Variants in HSPG2 observed in about 807,000 individuals in gnomAD.
HSPG2 encodes heparan sulfate proteoglycan 2.
A neutral mutation model predicts 526.6 loss-of-function variants in HSPG2; 278 were observed. That is an observed-to-expected ratio of 0.53 (90% CI 0.48 to 0.58). HSPG2 has a LOEUF of 0.58. Among genes scored for constraint, HSPG2 ranks in the 20% least tolerant of loss-of-function variants. The pLI is 0.00. For missense variants in HSPG2, 5,354 were observed against 6,099.5 expected (o/e 0.88, Z 4.07); for synonymous variants, 2,465 against 2,555.4 (o/e 0.96, Z 1.07).
chr1:21,827,980 T>C (rs2097984138), intron 90 of HSPG2, 50 bp downstream of exon 90: 1 of 1,612,186 alleles, frequency 6.2e-7, no homozygotes, highest in African/African-American at 1.3e-5. Flanking sequence ...TATGTCGAGC[T>C]CCGGGGCCCC....
intron 44 of HSPG2, 122 bp from the exon 45 acceptor site, chr1:21,856,034 G>A (rs1408439210): frequency 7.6e-7 from 1 of 1,309,358 alleles, no homozygotes; most frequent in African/African-American, 1.4e-5. Flanking sequence ...TGTGCACACA[G>A]GAGCCAGAGG....
At chr1:21,825,072 A>G (rs1451626870) in intron 91 of HSPG2, 3 of 474,090 alleles carry the variant, frequency 6.3e-6, no homozygotes, top group Admixed American at 6.7e-5. Flanking sequence ...TGTTACTAGT[A>G]TTTGCTTATC....
At chr1:21,884,985 A>T in intron 11 of HSPG2, 28 bp downstream of exon 11, 1 of 1,613,332 alleles carries the variant, frequency 6.2e-7, no homozygotes, top group Non-Finnish European at 8.5e-7. Flanking sequence ...CCTCATTCCC[A>T]CCCCACCACC....
Position 21,824,771 on chromosome 1 carries a change from CAGG to C in HSPG2, c.12595_12597del (p.Pro4199del). The C allele has an allele frequency of 6.2e-7, 1 of 1,612,464 alleles. No homozygotes were observed. The highest frequency in any genetic ancestry group is 8.5e-7 in the Non-Finnish European group (1 of 1,179,426). ...TCGTGGAAATAGGCTCCGTACTGCCCAGGGGCATCTGTGGGAGAGAGGAGGGTG... is the reference window on the plus strand; with the variant it reads ...TCGTGGAAATAGGCTCCGTACTGCCCGGCATCTGTGGGAGAGAGGAGGGTG... On this transcript the variant is annotated inframe_deletion, in exon 92 of 97. Transcript: ENST00000374695. The surrounding 1 kb of genome is among the most constrained non-coding windows in gnomAD (Gnocchi z 5.9).
In HSPG2 at chr1:21,836,999, G is replaced by C; in HGVS notation, c.10158C>G (p.Pro3386=). 1.9e-6 allele frequency: 3 copies of C among 1,550,078 alleles called. No individual in the cohort carries two copies. Among genetic ancestry groups the C allele is most frequent in the Middle Eastern group, 1.7e-4 (1 of 5,984 alleles). ...GGATGGAGGTGGCAGGGAGAGAGCC[G>C]GGAGGGCCTGCGGGGACATGTATGA... is the stretch of plus-strand genomic sequence containing the variant. The part of the protein sequence containing the change: ...AFAQLLVQGP[P]GSLPATSIPA... Residue 3386 remains proline, a synonymous_variant, in exon 75 of 97, where the codon CCC becomes CCG. Transcript: ENST00000374695.
rs1305639741 is a variant in HSPG2, at chr1:21,890,704, C to T, written c.245-10G>A. 1.0e-5 allele frequency: 16 copies of T among 1,599,284 alleles called. No individual in the cohort carries two copies. The highest frequency in any genetic ancestry group is 1.3e-5 in the African/African-American group (1 of 74,636). On this transcript the variant is annotated splice_polypyrimidine_tract_variant and intron_variant, in intron 3 of 96. Transcript: ENST00000374695. The surrounding 1 kb of genome is among the most constrained non-coding windows in gnomAD (Gnocchi z 4.1). Reference sequence around the variant, plus strand: ...AGGGCTCGGAAATAAACTGGAAAATCGAAGGAGGATCATTTTGAGAGCCCC... The same window carrying T: ...AGGGCTCGGAAATAAACTGGAAAATTGAAGGAGGATCATTTTGAGAGCCCC...
chr1:21,856,949 G>T, intron 44 of HSPG2, 66 bp downstream of exon 44: 1 of 1,489,826 alleles, frequency 6.7e-7, no homozygotes, highest in Non-Finnish European at 9.4e-7. Context: ...AAGAAATGCT[G>T]TGCTAATTCT....
rs2098041145 is a variant in HSPG2 at position 21,839,732 on chromosome 1, A to G, written c.9709+90T>C. 7.4e-6 allele frequency: 11 copies of G among 1,478,262 alleles called. No individual in the cohort carries two copies. The South Asian group carries it at 1.3e-4, about 17-fold the overall frequency. 91.6% of individuals were successfully genotyped at this position (1,478,262 alleles called of 1,614,324 possible). ...CTCCCCGTACTCCCCACCCCTGGGC[A>G]TGACATCATCTCTAGATCACATGTG... On this transcript the variant is annotated intron_variant, in intron 72 of 96. Transcript: ENST00000374695. The surrounding 1 kb of genome is among the most constrained non-coding windows in gnomAD (Gnocchi z 4.5).
intron 1 of HSPG2, among the ~76,000 whole-genome samples, chr1:21,905,597 C>G (rs754650357): frequency 6.6e-6 from 1 of 152,172 alleles, no homozygotes; most frequent in African/African-American, 2.4e-5. Context: ...CAAAACTTAG[C>G]CTGGTGTGGT....
intron 63 of HSPG2, 92 bp from the exon 64 acceptor site, chr1:21,846,347 G>T (rs1427457552): frequency 1.9e-6 from 3 of 1,602,736 alleles, no homozygotes; most frequent in African/African-American, 1.3e-5. Flanking sequence ...GACACAGGGG[G>T]GTACTGCACC....
At chr1:21,870,394 C>T (rs1165170051) in intron 33 of HSPG2, 8 of 586,314 alleles carry the variant, frequency 1.4e-5, no homozygotes, top group South Asian at 7.6e-5. Context: ...CCTCTACCCA[C>T]GGACATGGTA....
At position 21,855,503 on chromosome 1, in the gene HSPG2, C is replaced by T; in HGVS notation, c.5854+20G>A. The T allele has an allele frequency of 6.2e-7, 1 of 1,611,318 alleles. No homozygotes were observed. The highest frequency in any genetic ancestry group is 2.2e-5 in the East Asian group (1 of 44,858). ...GGGCTGAGCACACTCCCGGCCCCCA[C>T]CCTGAGCCCGGCCTCTCACCATGCA... On this transcript the variant is annotated intron_variant, in intron 46 of 96. Transcript: ENST00000374695.
intron 1 of HSPG2, among the ~76,000 whole-genome samples, chr1:21,928,111 G>C (rs1342189606): frequency 6.6e-6 from 1 of 152,256 alleles, no homozygotes; most frequent in Non-Finnish European, 1.5e-5. Context: ...CTGAGGCTCA[G>C]AGAGGTAAAG....
intron 1 of HSPG2, chr1:21,908,669 A>T: frequency 3.9e-5 from 19 of 481,156 alleles, no homozygotes; most frequent in Non-Finnish European, 5.9e-5. Context: ...GATTAAAATA[A>T]GGGTCTCACT....
chr1:21,889,595 T>C (rs1642200178), intron 6 of HSPG2, among the ~76,000 whole-genome samples: 1 of 150,582 alleles, frequency 6.6e-6, no homozygotes, highest in Admixed American at 6.6e-5. Context: ...GAATAACATC[T>C]CCTTCATAGG....
At chr1:21,833,103 G>T in intron 80 of HSPG2, 165 bp downstream of exon 80, 1 of 695,448 alleles carries the variant, frequency 1.4e-6, no homozygotes, top group African/African-American at 1.8e-5. Flanking sequence ...ACAAGAGAAG[G>T]CACACCAGGG....
At chr1:21,927,983 G>A (rs1644249965) in intron 1 of HSPG2, among the ~76,000 whole-genome samples, 2 of 152,220 alleles carry the variant, frequency 1.3e-5, no homozygotes, top group Non-Finnish European at 2.9e-5. Flanking sequence ...TAGCAGGAAC[G>A]AGACTTAGTG....
At chr1:21,854,025 T>C (rs1013398287) in intron 50 of HSPG2, among the ~76,000 whole-genome samples, 168 bp downstream of exon 50, 1 of 152,168 alleles carries the variant, frequency 6.6e-6, no homozygotes, top group Non-Finnish European at 1.5e-5. Flanking sequence ...TGGACCAGCC[T>C]TAACCTCCCT....
In HSPG2 at chr1:21,872,458, G is replaced by A; in HGVS notation, c.4030-81C>T. The A allele has an allele frequency of 7.0e-7, 1 of 1,427,708 alleles. No homozygotes were observed. The highest frequency in any genetic ancestry group is 2.5e-5 in the East Asian group (1 of 40,190). 88.4% of individuals were successfully genotyped at this position (1,427,708 alleles called of 1,614,324 possible). ...GGATGGGGCACGGGAGGGTGTTAAGGTGCGGAATGGGGTCCTGTTGAGATC... is the reference window on the plus strand; with the variant it reads ...GGATGGGGCACGGGAGGGTGTTAAGATGCGGAATGGGGTCCTGTTGAGATC... On this transcript the variant is annotated intron_variant, in intron 32 of 96. Coordinates refer to ENST00000374695, the MANE Select transcript of HSPG2 (RefSeq NM_005529.7). This position sits in a 1 kb window ranked among gnomAD's most constrained non-coding sequence, Gnocchi z 5.5.
Sources: allele counts gnomAD v4.1 joint callset (sites outside exome capture counted in the v4.1 genomes callset), GRCh38; gene constraint gnomAD v4.1.1; non-coding constraint Gnocchi (gnomAD v3.1); transcripts MANE v1.5; gene names NCBI Gene and HGNC (gene_info 2026-07-23, HGNC 2026-07-21).